PDE5A: variants seen among roughly 807,000 people sequenced by gnomAD.
The protein encoded by PDE5A is cGMP-specific 3',5'-cyclic phosphodiesterase.
In PDE5A, 67 loss-of-function variants were observed where a neutral mutation model predicts 110.2. The observed-to-expected ratio is 0.61, with a 90% CI of 0.50 to 0.75. PDE5A has a LOEUF of 0.75. Ranked by LOEUF, PDE5A falls within the 30% of genes least tolerant of loss-of-function variation. The pLI, the probability that PDE5A is intolerant of heterozygous loss-of-function variation, is 0.00. For synonymous variants in PDE5A, 328 were observed against 351.2 expected, an observed-to-expected ratio of 0.93 and a Z score of 0.74; for missense variants, 862 against 1,045.1, an observed-to-expected ratio of 0.82 and a Z score of 2.42.
chr4:119,557,311 G>T (rs1295410821), intron 7 of PDE5A, among the ~76,000 whole-genome samples: 1 of 152,126 alleles, frequency 6.6e-6, no homozygotes, highest in Non-Finnish European at 1.5e-5. Flanking sequence ...TTTCGTGTTG[G>T]TCTGATGGCT....
In PDE5A at chr4:119,520,921, G is replaced by A. The variant is rs111881343; in HGVS notation, c.1905+14C>T. On this transcript the variant is annotated intron_variant, in intron 13 of 20. Coordinates refer to ENST00000354960, the MANE Select transcript of PDE5A (RefSeq NM_001083.4). ...ACAAAATGTATTAGATATATGAATG[G>A]CTCTAAAAAGTACCTGAATTTTGCC... 7.2e-5 allele frequency: 116 copies of A among 1,602,284 alleles called. No homozygotes were observed. Among genetic ancestry groups the A allele is most frequent in the Non-Finnish European group, 9.8e-5 (115 of 1,174,504 alleles).
At chr4:119,568,213 C>T (rs1007107774) in intron 3 of PDE5A, among the ~76,000 whole-genome samples, 12 of 151,702 alleles carry the variant, frequency 7.9e-5, no homozygotes, top group Non-Finnish European at 1.3e-4. Context: ...TTATCCTATA[C>T]CTTTTCATTT....
chr4:119,566,027 A>G (rs150322715), intron 4 of PDE5A, among the ~76,000 whole-genome samples: 466 of 151,136 alleles, frequency 3.1e-3, no homozygotes, highest in African/African-American at 0.011. Flanking sequence ...TAGACAGCAT[A>G]TCTTATCCAC....
intron 2 of PDE5A, among the ~76,000 whole-genome samples, chr4:119,602,624 G>C (rs1729384234): frequency 6.6e-6 from 1 of 152,092 alleles, no homozygotes; most frequent in Admixed American, 6.6e-5. Context: ...ATTGCTAGGG[G>C]TTTTCTTTTT....
intron 3 of PDE5A, among the ~76,000 whole-genome samples, chr4:119,578,163 A>C: frequency 6.6e-6 from 1 of 152,178 alleles, no homozygotes. Flanking sequence ...GAGAACTACA[A>C]ACCACTGCTC....
At chr4:119,510,533 TG>T (rs1269346852) in intron 15 of PDE5A, among the ~76,000 whole-genome samples, 1 of 152,122 alleles carries the variant, frequency 6.6e-6, no homozygotes, top group African/African-American at 2.4e-5. Flanking sequence ...GTGCATATTA[TG>T]TTAATCTTGT....
chr4:119,574,190 T>TC (rs927698395), intron 3 of PDE5A, among the ~76,000 whole-genome samples: 3 of 142,486 alleles, frequency 2.1e-5, no homozygotes, highest in African/African-American at 7.9e-5. Context: ...TTTTTTTTTT[T>TC]TTTTTTTTTT....
rs1730019885 is a variant in PDE5A, at chr4:119,618,485, T to C, written c.152+10035A>G. 2.0e-5 allele frequency among the ~76,000 whole-genome samples: 3 copies of C among 152,116 alleles called. 1 individual carries two copies. In the South Asian group the frequency reaches 6.2e-4, roughly 32 times the overall value. ...TTTTTTCAAATTACAATTTAAAAAATGGACTCCTCAGACTAATATCTACAC... is the reference window on the plus strand; with the variant it reads ...TTTTTTCAAATTACAATTTAAAAAACGGACTCCTCAGACTAATATCTACAC... On this transcript the variant is annotated intron_variant, in intron 1 of 20. Coordinates refer to ENST00000354960, the MANE Select transcript of PDE5A (RefSeq NM_001083.4).
intron 2 of PDE5A, among the ~76,000 whole-genome samples, chr4:119,598,138 T>G (rs1729218056): frequency 6.6e-6 from 1 of 152,170 alleles, no homozygotes; most frequent in Admixed American, 6.6e-5. Flanking sequence ...AAATACATCC[T>G]CAGTGTTACT....
At chr4:119,602,179 G>T (rs1279777463) in intron 2 of PDE5A, among the ~76,000 whole-genome samples, 2 of 151,962 alleles carry the variant, frequency 1.3e-5, no homozygotes, top group Non-Finnish European at 2.9e-5. Flanking sequence ...TATTATGGCT[G>T]GGCAAGAGAA....
chr4:119,602,311 G>A lies in PDE5A; in HGVS notation c.741+4398C>T, dbSNP rs868767193. Among the ~76,000 whole-genome samples the A allele has an allele frequency of 1.3e-5, 2 of 152,110 alleles. 1 individual carries two copies. Among genetic ancestry groups the A allele is most frequent in the Non-Finnish European group, 2.9e-5 (2 of 67,996 alleles). On this transcript the variant is annotated intron_variant, in intron 2 of 20. Transcript: ENST00000354960. Reference sequence around the variant, plus strand: ...CATTATAGAGTGAAAAAGAGGAAACGATAAAGCAAATGGGGCAAAAAAATA... The same window carrying A: ...CATTATAGAGTGAAAAAGAGGAAACAATAAAGCAAATGGGGCAAAAAAATA...
chr4:119,626,845 C>T (rs1460809500), intron 1 of PDE5A, among the ~76,000 whole-genome samples: 1 of 152,138 alleles, frequency 6.6e-6, no homozygotes, highest in Non-Finnish European at 1.5e-5. Flanking sequence ...AAAGATTAAT[C>T]CCGGAGCCTT....
At chr4:119,612,055 A>T (rs1729771919) in intron 1 of PDE5A, among the ~76,000 whole-genome samples, 1 of 152,196 alleles carries the variant, frequency 6.6e-6, no homozygotes, top group Non-Finnish European at 1.5e-5. Flanking sequence ...TTGAAATTAA[A>T]ATTCTTATAT....
intron 1 of PDE5A, among the ~76,000 whole-genome samples, chr4:119,623,605 A>C (rs1332421507): frequency 1.3e-5 from 2 of 152,240 alleles, no homozygotes; most frequent in African/African-American, 4.8e-5. Context: ...CAGAATTCCA[A>C]ATATTTCAAA....
chr4:119,597,564 G>C (rs1439000798), intron 2 of PDE5A, among the ~76,000 whole-genome samples: 2 of 152,034 alleles, frequency 1.3e-5, no homozygotes, highest in African/African-American at 2.4e-5. Flanking sequence ...ATCTGAATGA[G>C]TGCTGTTCCC....
rs568428999 is a variant in PDE5A, at chr4:119,608,005, T to G, written c.153-708A>C. On this transcript the variant is annotated intron_variant, in intron 1 of 20. Transcript: ENST00000354960. ...GTTCTGAAGTTAAATATTTGAAAAC[T>G]AAAACAAATATTTGTCTAAATTTGG... Among the ~76,000 whole-genome samples, 21 of 152,310 alleles carry G rather than the reference T, an allele frequency of 1.4e-4. No individual in the cohort carries two copies. The South Asian group carries it at 4.3e-3, about 32-fold the overall frequency.
At chr4:119,558,356 A>C (rs969216374) in intron 7 of PDE5A, among the ~76,000 whole-genome samples, 2 of 152,212 alleles carry the variant, frequency 1.3e-5, no homozygotes, top group African/African-American at 2.4e-5. Context: ...AAAATCTCGA[A>C]TGAGCTATAC....
intron 11 of PDE5A, among the ~76,000 whole-genome samples, chr4:119,528,439 T>TAAG (rs3836708): frequency 0.26 from 39,863 of 151,884 alleles, 5,325 homozygotes; most frequent in East Asian, 0.38. Flanking sequence ...ATCTAACTGA[T>TAAG]GAGCTAAATA....
chr4:119,576,855 A>G (rs1334508637), intron 3 of PDE5A, among the ~76,000 whole-genome samples: 1 of 152,210 alleles, frequency 6.6e-6, no homozygotes, highest in Non-Finnish European at 1.5e-5. Context: ...AACTGAAGGA[A>G]ACAGAGACAC....
Sources: gnomAD v4.1 joint callset for allele counts (sites outside exome capture counted in the v4.1 genomes callset) on GRCh38, gnomAD v4.1.1 for gene constraint, MANE v1.5 for transcripts, NCBI Gene and HGNC (gene_info 2026-07-23, HGNC 2026-07-21) for gene names.